XIRP2: variants seen among roughly 807,000 people sequenced by gnomAD.
The protein encoded by XIRP2 is xin actin binding repeat containing 2.
In XIRP2, 236 loss-of-function variants were observed where a neutral mutation model predicts 277.0. That is an observed-to-expected ratio of 0.85 (90% CI 0.77 to 0.95). The LOEUF is 0.95. Among genes scored for constraint, XIRP2 ranks in the 40% least tolerant of loss-of-function variants. XIRP2 has a pLI of 0.00. For missense variants in XIRP2, 4,640 were observed against 4,157.5 expected, an observed-to-expected ratio of 1.12 and a Z score of -3.19; for synonymous variants, 1,490 against 1,416.5, an observed-to-expected ratio of 1.05 and a Z score of -1.17.
At chr2:167,080,813 G>A (rs1431888229) in intron 2 of XIRP2, among the ~76,000 whole-genome samples, 1 of 152,084 alleles carries the variant, frequency 6.6e-6, no homozygotes, top group Non-Finnish European at 1.5e-5. Flanking sequence ...TCCAATGGGT[G>A]CAATTTTTTA....
intron 2 of XIRP2, among the ~76,000 whole-genome samples, chr2:167,128,031 C>A (rs573231276): frequency 6.6e-6 from 1 of 152,298 alleles, no homozygotes; most frequent in African/African-American, 2.4e-5. Context: ...GTTTTCACTT[C>A]TCTGAGGCAC....
intron 2 of XIRP2, among the ~76,000 whole-genome samples, chr2:166,918,033 AG>A (rs1474135402): frequency 6.6e-6 from 1 of 152,168 alleles, no homozygotes; most frequent in East Asian, 1.9e-4. Context: ...TCATGGTTAC[AG>A]ATTTTTGGCA....
chr2:166,952,316 G>GTT (rs1436164037), intron 2 of XIRP2, among the ~76,000 whole-genome samples: 2 of 151,926 alleles, frequency 1.3e-5, no homozygotes, highest in Non-Finnish European at 2.9e-5. Context: ...CTTTTAAACT[G>GTT]TAAGTGTTCA....
intron 2 of XIRP2, among the ~76,000 whole-genome samples, chr2:167,059,441 CAT>C (rs1011885992): frequency 5.0e-5 from 6 of 121,200 alleles, no homozygotes; most frequent in African/African-American, 1.7e-4. Context: ...GTTAGATTAA[CAT>C]GTGGAAAAAA....
chr2:166,907,098 A>C (rs1684544423), intron 2 of XIRP2, among the ~76,000 whole-genome samples: 1 of 152,160 alleles, frequency 6.6e-6, no homozygotes, highest in South Asian at 2.1e-4. Context: ...TCCAAAATGA[A>C]CACAACCTAT....
At chr2:167,131,299 T>C (rs1691369563) in intron 2 of XIRP2, among the ~76,000 whole-genome samples, 1 of 152,198 alleles carries the variant, frequency 6.6e-6, no homozygotes, top group Admixed American at 6.6e-5. Flanking sequence ...ATTGCTCTCT[T>C]CTATATAGTC....
chr2:167,094,943 C>T (rs967666081), intron 2 of XIRP2, among the ~76,000 whole-genome samples: 26 of 152,140 alleles, frequency 1.7e-4, no homozygotes, highest in African/African-American at 6.3e-4. Context: ...TTCTTCCTAT[C>T]CATGACTATG....
chr2:167,250,097 A>G lies in XIRP2; in HGVS notation c.8705A>G (p.Lys2902Arg). 1 of 1,613,454 alleles carries G rather than the reference A, an allele frequency of 6.2e-7. No individual in the cohort carries two copies. The highest frequency in any genetic ancestry group is 1.3e-5 in the African/African-American group (1 of 74,940). ...CAGGAAGAAAAATGTCTCGAAGTCA[A>G]GGGCATACAAGAGAAACAAGTCTTC... ...SLQEEKCLEV[K>R]GIQEKQVFSN... The change falls in exon 9 of 11, where the codon AAG becomes AGG. Residue 2902 changes from lysine (K) to arginine (R), a missense_variant. Lys to Arg is a conservative substitution (Grantham distance 26). Coordinates refer to ENST00000409195, the MANE Select transcript of XIRP2 (RefSeq NM_152381.6).
chr2:167,248,297 C>A lies in XIRP2; in HGVS notation c.6905C>A (p.Ala2302Glu). Reference protein sequence around the residue: ...PSPPPPPPSNASSEIEFPLPP... With the variant: ...PSPPPPPPSNESSEIEFPLPP... ...CCACCTCCTCCACCACCTTCTAATG[C>A]ATCATCTGAAATTGAATTTCCTCTT... The change falls in exon 9 of 11, where the codon GCA (alanine) becomes GAA (glutamate). Residue 2302 changes from alanine (A) to glutamate (E), a missense_variant. By Grantham distance (107) the Ala-to-Glu change is moderately radical (BLOSUM62 -1). Coordinates refer to ENST00000409195, the MANE Select transcript of XIRP2 (RefSeq NM_152381.6). 1 of 1,613,630 alleles carries A rather than the reference C, an allele frequency of 6.2e-7. No individual in the cohort carries two copies. The highest frequency in any genetic ancestry group is 1.1e-5 in the South Asian group (1 of 91,064).
intron 5 of XIRP2, among the ~76,000 whole-genome samples, chr2:167,220,959 A>G (rs1336231583): frequency 6.6e-6 from 1 of 152,200 alleles, no homozygotes; most frequent in Admixed American, 6.5e-5. Flanking sequence ...GAATATTTGC[A>G]TGAATCTGGA....
Position 167,247,860 on chromosome 2 carries a change from A to G in XIRP2, c.6468A>G (p.Thr2156=), listed in dbSNP as rs61748715. The change falls in exon 9 of 11, where the codon ACA becomes ACG. Residue 2156 remains threonine (T), a synonymous_variant. Transcript: ENST00000409195. ...AAAATATTAAAATATTAACTGATAC[A>G]CAAAGCTCCAAGCCCAGTCCCACCC... The part of the protein sequence containing the change: ...KTKNIKILTD[T]QSSKPSPTQH... The G allele has an allele frequency of 1.2e-6, 2 of 1,613,402 alleles. No homozygotes were observed. The highest frequency in any genetic ancestry group is 2.2e-5 in the East Asian group (1 of 44,806).
intron 2 of XIRP2, among the ~76,000 whole-genome samples, chr2:167,058,406 T>C (rs1296175418): frequency 6.6e-6 from 1 of 152,092 alleles, no homozygotes; most frequent in Non-Finnish European, 1.5e-5. Flanking sequence ...TAGTTATTTA[T>C]TGTTGCATAA....
At chr2:167,119,552 C>A (rs1690994596) in intron 2 of XIRP2, among the ~76,000 whole-genome samples, 1 of 152,148 alleles carries the variant, frequency 6.6e-6, no homozygotes, top group South Asian at 2.1e-4. Flanking sequence ...GTGATTGTAC[C>A]AGACTCTCAG....
At chr2:167,228,952 C>A (rs1179312889) in intron 5 of XIRP2, among the ~76,000 whole-genome samples, 10 of 152,006 alleles carry the variant, frequency 6.6e-5, no homozygotes, top group Admixed American at 6.6e-4. Flanking sequence ...TCCTTCACTC[C>A]TTTAAAGTAA....
chr2:167,254,173 G>T lies in XIRP2; in HGVS notation c.*39+8G>T. 1 of 1,606,472 alleles carries T rather than the reference G, an allele frequency of 6.2e-7. No homozygotes were observed. Among genetic ancestry groups the T allele is most frequent in the Non-Finnish European group, 8.5e-7 (1 of 1,176,320 alleles). ...TTGCAACAGTAAACTAAGGTAAAAT[G>T]TTTAATTGTCTTTGCCACAAATATT... On this transcript the variant is annotated splice_region_variant and intron_variant, in intron 10 of 10. Coordinates refer to ENST00000409195, the MANE Select transcript of XIRP2 (RefSeq NM_152381.6).
chr2:167,169,836 G>A (rs1303369640), intron 3 of XIRP2, among the ~76,000 whole-genome samples: 1 of 152,114 alleles, frequency 6.6e-6, no homozygotes, highest in Non-Finnish European at 1.5e-5. Flanking sequence ...TTTGGACATT[G>A]TTGAATATAT....
intron 2 of XIRP2, among the ~76,000 whole-genome samples, chr2:166,937,466 G>C (rs924783680): frequency 2.6e-5 from 4 of 152,132 alleles, no homozygotes; most frequent in Non-Finnish European, 5.9e-5. Flanking sequence ...TGGTGGATAA[G>C]GTTTTTGATG....
At chr2:167,229,208 A>T (rs567421478) in intron 5 of XIRP2, among the ~76,000 whole-genome samples, 3 of 152,140 alleles carry the variant, frequency 2.0e-5, no homozygotes, top group East Asian at 1.9e-4. Context: ...ATCTAGGGAA[A>T]GTTGAAATAG....
intron 2 of XIRP2, among the ~76,000 whole-genome samples, chr2:167,100,636 G>A (rs1045645843): frequency 8.5e-5 from 13 of 152,282 alleles, no homozygotes; most frequent in South Asian, 2.1e-4. Flanking sequence ...CATATGTTGC[G>A]TAGAATTGTC....
Sources: gnomAD v4.1 joint callset for allele counts (sites outside exome capture counted in the v4.1 genomes callset) on GRCh38, gnomAD v4.1.1 for gene constraint, MANE v1.5 for transcripts, NCBI Gene and HGNC (gene_info 2026-07-23, HGNC 2026-07-21) for gene names.